The following SLC35F1 variants were observed in gnomAD, a reference collection of about 807,000 sequenced individuals.
SLC35F1 encodes chromosome 6 open reading frame 169.
In SLC35F1, 14 loss-of-function variants were observed where a neutral mutation model predicts 48.7. That is an observed-to-expected ratio of 0.29 (90% CI 0.19 to 0.45). The LOEUF (loss-of-function observed/expected upper bound fraction) is 0.45. Among genes scored for constraint, SLC35F1 ranks in the 20% least tolerant of loss-of-function variants. The pLI is 1.00. For synonymous variants in SLC35F1, 190 were observed against 202.2 expected, an observed-to-expected ratio of 0.94 and a Z score of 0.51; for missense variants, 404 against 500.0, an observed-to-expected ratio of 0.81 and a Z score of 1.83.
chr6:118,057,484 G>A (rs1336867138), intron 1 of SLC35F1, among the ~76,000 whole-genome samples: 1 of 152,094 alleles, frequency 6.6e-6, no homozygotes, highest in Non-Finnish European at 1.5e-5. Flanking sequence ...GAGTTGTATG[G>A]TGAAATTTGA....
At chr6:118,013,158 A>G (rs1390704055) in intron 1 of SLC35F1, among the ~76,000 whole-genome samples, 4 of 152,188 alleles carry the variant, frequency 2.6e-5, no homozygotes, top group African/African-American at 4.8e-5. Flanking sequence ...TTGTGGGGAC[A>G]TCATCTCCTA....
chr6:117,995,009 A>G (rs535317398), intron 1 of SLC35F1, among the ~76,000 whole-genome samples: 1 of 152,204 alleles, frequency 6.6e-6, no homozygotes, highest in South Asian at 2.1e-4. Context: ...ATTACAATAC[A>G]TGTTGGGGAC....
At chr6:118,077,966 A>G (rs1293845002) in intron 1 of SLC35F1, among the ~76,000 whole-genome samples, 1 of 152,168 alleles carries the variant, frequency 6.6e-6, no homozygotes, top group East Asian at 1.9e-4. Flanking sequence ...TAGGTTGTCA[A>G]TTTAAGTTCT....
chr6:118,057,608 T>G (rs796854359), intron 1 of SLC35F1, among the ~76,000 whole-genome samples: 58 of 152,310 alleles, frequency 3.8e-4, no homozygotes, highest in African/African-American at 1.4e-3. Context: ...GTCTTTGGCC[T>G]TGATATTTGG....
At chr6:118,044,379 AT>A (rs577875172) in intron 1 of SLC35F1, among the ~76,000 whole-genome samples, 47 of 151,700 alleles carry the variant, frequency 3.1e-4, no homozygotes, top group Non-Finnish European at 6.0e-4. Context: ...TGGTTAAGTA[AT>A]TTTTTTCCTC....
At position 117,907,337 on chromosome 6, in the gene SLC35F1, A is replaced by C. The variant is rs914023990; in HGVS notation, c.-390A>C. ...AGCACAACTGCCGCCGCGCGCCCCGAGGAGACCCGGGCACGAGGAAACAAG... is the reference window on the plus strand; with the variant it reads ...AGCACAACTGCCGCCGCGCGCCCCGCGGAGACCCGGGCACGAGGAAACAAG... On this transcript the variant is annotated 5_prime_UTR_variant, in exon 1 of 8. Coordinates refer to ENST00000360388, the MANE Select transcript of SLC35F1 (RefSeq NM_001029858.4). Among the ~76,000 whole-genome samples, 2 of 148,736 alleles carry C rather than the reference A, an allele frequency of 1.3e-5. No individual in the cohort carries two copies. The highest frequency in any genetic ancestry group is 6.7e-5 in the Admixed American group (1 of 14,984).
At chr6:118,291,696 G>C (rs1284837865) in intron 7 of SLC35F1, among the ~76,000 whole-genome samples, 1 of 152,158 alleles carries the variant, frequency 6.6e-6, no homozygotes, top group African/African-American at 2.4e-5. Flanking sequence ...AGTAATAACT[G>C]CTAATTGCCT....
At chr6:118,135,059 G>A (rs1017353417) in intron 1 of SLC35F1, among the ~76,000 whole-genome samples, 1 of 152,162 alleles carries the variant, frequency 6.6e-6, no homozygotes, top group Non-Finnish European at 1.5e-5. Flanking sequence ...ACGTTTCTAT[G>A]GGCTTATGAG....
chr6:118,302,780 T>C (rs1164692824), intron 7 of SLC35F1, among the ~76,000 whole-genome samples: 4 of 152,100 alleles, frequency 2.6e-5, no homozygotes, highest in Non-Finnish European at 5.9e-5. Context: ...CAGTTACATT[T>C]TTTCCTACTA....
chr6:118,064,092 A>T (rs1403704120), intron 1 of SLC35F1, among the ~76,000 whole-genome samples: 1 of 152,188 alleles, frequency 6.6e-6, no homozygotes, highest in Non-Finnish European at 1.5e-5. Context: ...GAAGGCAAGG[A>T]GGAGCAAGTC....
At chr6:118,234,322 G>C (rs1775333947) in intron 2 of SLC35F1, among the ~76,000 whole-genome samples, 1 of 152,086 alleles carries the variant, frequency 6.6e-6, no homozygotes, top group Admixed American at 6.5e-5. Flanking sequence ...TGTCACTTTT[G>C]AGATTAGGTT....
intron 1 of SLC35F1, among the ~76,000 whole-genome samples, chr6:118,089,266 G>C (rs1180959560): frequency 6.6e-6 from 1 of 151,900 alleles, no homozygotes; most frequent in Admixed American, 6.6e-5. Context: ...GTTTTGTTTT[G>C]AGGAGTCTCA....
intron 1 of SLC35F1, among the ~76,000 whole-genome samples, chr6:117,992,264 ACAT>A (rs2114858565): frequency 6.6e-6 from 1 of 152,184 alleles, no homozygotes; most frequent in East Asian, 1.9e-4. Context: ...GAGATATTTA[ACAT>A]CATTGAATTT....
Position 118,286,102 on chromosome 6 carries a change from C to A in SLC35F1, c.1002+764C>A, listed in dbSNP as rs951521958. ...GAAGATACCACTTGCCATTCCTTAA[C>A]AAGTCCTGTAAGACAAGAGTCAACA... is the stretch of plus-strand genomic sequence containing the variant. On this transcript the variant is annotated intron_variant, in intron 7 of 7. Transcript: ENST00000360388. Among the ~76,000 whole-genome samples, 239 of 152,144 alleles carry A rather than the reference C, an allele frequency of 1.6e-3. 2 individuals carry two copies. Among genetic ancestry groups the A allele is most frequent in the Non-Finnish European group, 7.5e-4 (51 of 68,034 alleles).
chr6:118,301,744 T>C lies in SLC35F1; in HGVS notation c.1003-12284T>C, dbSNP rs1055358259. 4.6e-5 allele frequency among the ~76,000 whole-genome samples: 7 copies of C among 152,154 alleles called. No homozygotes were observed. In the East Asian group the frequency reaches 1.3e-3, roughly 29 times the overall value. The stretch of plus-strand genomic sequence containing the variant: ...GGCAGATTATAAATATTTTAGGCTT[T>C]GCAGGCCATACGGTCTCCATCACAA... On this transcript the variant is annotated intron_variant, in intron 7 of 7. Coordinates refer to ENST00000360388, the MANE Select transcript of SLC35F1 (RefSeq NM_001029858.4).
intron 7 of SLC35F1, among the ~76,000 whole-genome samples, chr6:118,302,876 C>T (rs1437852801): frequency 6.6e-6 from 1 of 151,328 alleles, no homozygotes; most frequent in African/African-American, 2.4e-5. Flanking sequence ...ACTTTGAGCC[C>T]AGTGCCCATA....
intron 1 of SLC35F1, among the ~76,000 whole-genome samples, chr6:118,044,329 C>A (rs116609466): frequency 2.0e-5 from 3 of 152,210 alleles, no homozygotes; most frequent in South Asian, 2.1e-4. Context: ...TGTCTGCCAT[C>A]GCCCTTTCCT....
chr6:118,044,659 T>A (rs983269711), intron 1 of SLC35F1, among the ~76,000 whole-genome samples: 1 of 152,076 alleles, frequency 6.6e-6, no homozygotes, highest in African/African-American at 2.4e-5. Context: ...ATAGCCAAAA[T>A]AATTAAGAAT....
At chr6:117,917,984 C>A (rs1382979076) in intron 1 of SLC35F1, among the ~76,000 whole-genome samples, 1 of 152,052 alleles carries the variant, frequency 6.6e-6, no homozygotes, top group African/African-American at 2.4e-5. Context: ...AAGATGTTTC[C>A]AGAAGGAGGC....
Sources: gnomAD v4.1 joint callset for allele counts (sites outside exome capture counted in the v4.1 genomes callset) on GRCh38, gnomAD v4.1.1 for gene constraint, MANE v1.5 for transcripts, NCBI Gene and HGNC (gene_info 2026-07-23, HGNC 2026-07-21) for gene names.